Variants in MAP7D2 observed in about 807,000 individuals in gnomAD.
MAP7D2 encodes MAP7 domain-containing protein 2.
A neutral mutation model predicts 63.5 loss-of-function variants in MAP7D2; 33 were observed. The ratio of observed to expected loss-of-function variants is 0.52; its 90% CI spans 0.39 to 0.70. The LOEUF (loss-of-function observed/expected upper bound fraction) is 0.70, where lower values mean the gene tolerates loss of function less well. MAP7D2 is among the 30% of genes least tolerant of loss of function. The probability of loss-of-function intolerance (pLI) is 0.00; values close to 1 mark genes in which losing one functional copy is unlikely to be tolerated. For synonymous variants in MAP7D2, 224 were observed against 223.7 expected (o/e 1.00, Z -0.01); for missense variants, 626 against 604.0 (o/e 1.04, Z -0.38).
intron 11 of MAP7D2, 70 bp downstream of exon 11, chrX:20,016,024 T>G: frequency 1.1e-6 from 1 of 894,356 alleles, no homozygotes; most frequent in South Asian, 2.2e-5. Flanking sequence ...TCATTGAAAT[T>G]TAACTAATTG....
chrX:20,034,631 C>T (rs1004213167), intron 8 of MAP7D2, among the ~76,000 whole-genome samples: 4 of 111,415 alleles, frequency 3.6e-5, no homozygotes, highest in African/African-American at 1.3e-4. Flanking sequence ...CTCCCTTGCG[C>T]CCCTTCCATC....
Position 20,044,507 on chromosome X carries a change from G to A in MAP7D2, c.736C>T (p.Arg246Cys), listed in dbSNP as rs761494554. 2.8e-5 allele frequency: 34 copies of A among 1,208,459 alleles called. No homozygotes were observed. The highest frequency in any genetic ancestry group is 3.7e-5 in the Non-Finnish European group (33 of 893,777). The change falls in exon 7 of 17, where the codon CGT (arginine) becomes TGT (cysteine). Residue 246 changes from arginine to cysteine, a missense_variant. Physicochemically the swap from Arg to Cys is radical, Grantham distance 180. Transcript: ENST00000379643. ...TTAAGAGGGCCAAGAGGAGCTAAAC[G>A]AGGACAGACATGGAATACTAGAAAG... is the stretch of plus-strand genomic sequence containing the variant. ...ANDSVFHVCP[R>C]LAPLGPLNPS...
intron 8 of MAP7D2, among the ~76,000 whole-genome samples, chrX:20,026,440 C>T (rs1275962656): frequency 2.7e-5 from 3 of 111,857 alleles, no homozygotes; most frequent in African/African-American, 9.8e-5. Flanking sequence ...TGGCAATCAC[C>T]CTTCTACTTC....
At chrX:20,072,001 C>T (rs769615921) in intron 1 of MAP7D2, among the ~76,000 whole-genome samples, 4 of 111,097 alleles carry the variant, frequency 3.6e-5, no homozygotes, top group Admixed American at 9.6e-5. Flanking sequence ...CTTGTCTTAT[C>T]TCTGAATCTC....
chrX:20,093,616 C>T (rs1384400308), intron 1 of MAP7D2, among the ~76,000 whole-genome samples: 1 of 110,546 alleles, frequency 9.0e-6, no homozygotes, highest in African/African-American at 3.3e-5. Context: ...ATGATCGCGC[C>T]ACTGCACTCC....
chrX:20,050,799 G>C, intron 6 of MAP7D2, 25 bp downstream of exon 6: 2 of 1,158,582 alleles, frequency 1.7e-6, no homozygotes, highest in Non-Finnish European at 2.3e-6. Context: ...ATTTTCCTTG[G>C]TGTTACCAGC....
At chrX:20,048,872 T>C (rs2064868220) in intron 6 of MAP7D2, among the ~76,000 whole-genome samples, 1 of 110,246 alleles carries the variant, frequency 9.1e-6, no homozygotes, top group African/African-American at 3.3e-5. Flanking sequence ...CAGTGAGCTA[T>C]GATCACATCA....
intron 1 of MAP7D2, among the ~76,000 whole-genome samples, chrX:20,109,214 C>T (rs2066658904): frequency 9.2e-6 from 1 of 109,092 alleles, no homozygotes; most frequent in South Asian, 4.0e-4. Flanking sequence ...CACAGTGGCA[C>T]GGGGGGTTAA....
intron 1 of MAP7D2, among the ~76,000 whole-genome samples, chrX:20,073,908 G>A (rs1210620801): frequency 9.6e-6 from 1 of 104,469 alleles, no homozygotes; most frequent in African/African-American, 3.4e-5. Flanking sequence ...AGGCCGAGGC[G>A]GGCGGATCAC....
At chrX:20,015,668 A>G (rs2148135319) in intron 11 of MAP7D2, among the ~76,000 whole-genome samples, 1 of 112,567 alleles carries the variant, frequency 8.9e-6, no homozygotes, top group East Asian at 2.8e-4. Context: ...CGTGAAGGGC[A>G]GGATGTGGTA....
At chrX:20,028,361 G>A (rs1323769485) in intron 8 of MAP7D2, among the ~76,000 whole-genome samples, 1 of 111,955 alleles carries the variant, frequency 8.9e-6, no homozygotes, top group Non-Finnish European at 1.9e-5. Context: ...TAGCTGTTAG[G>A]TATTGGTGTT....
chrX:20,073,117 G>C (rs769457744), intron 1 of MAP7D2, among the ~76,000 whole-genome samples: 1 of 110,860 alleles, frequency 9.0e-6, no homozygotes, highest in Non-Finnish European at 1.9e-5. Flanking sequence ...TTAAAATCCA[G>C]AGCCTAGTTG....
chrX:20,053,835 A>T (rs2065007928), intron 4 of MAP7D2, among the ~76,000 whole-genome samples: 1 of 111,905 alleles, frequency 8.9e-6, no homozygotes, highest in East Asian at 2.8e-4. Flanking sequence ...TGCTGACCAA[A>T]TGACAATCTT....
chrX:20,069,237 C>CT (rs2065436424), intron 1 of MAP7D2, among the ~76,000 whole-genome samples: 1 of 111,335 alleles, frequency 9.0e-6, no homozygotes, highest in East Asian at 2.8e-4. Context: ...GGATATCACT[C>CT]TGTTGGTTGC....
chrX:20,015,127 G>T (rs1351780550), intron 12 of MAP7D2, 96 bp downstream of exon 12: 3 of 625,042 alleles, frequency 4.8e-6, no homozygotes, highest in African/African-American at 2.2e-5. Context: ...TGACCTAACT[G>T]ACAATCCTAG....
At position 20,076,168 on chromosome X, in the gene MAP7D2, C is replaced by T. The variant is rs2065637485; in HGVS notation, c.131-11363G>A. Among the ~76,000 whole-genome samples the T allele has an allele frequency of 2.7e-5, 3 of 111,097 alleles. No homozygotes were observed. In the South Asian group the frequency reaches 1.1e-3, roughly 42 times the overall value. On this transcript the variant is annotated intron_variant, in intron 1 of 16. Coordinates refer to ENST00000379643, the MANE Select transcript of MAP7D2 (RefSeq NM_001168465.2). Reference sequence around the variant, plus strand: ...TGATGCTGCTAGTCTAGGGACCACGCTCTGACAATGAATGATCTAATCCAT... The same window carrying T: ...TGATGCTGCTAGTCTAGGGACCACGTTCTGACAATGAATGATCTAATCCAT...
chrX:20,009,149 G>T (rs1178977614), intron 16 of MAP7D2, among the ~76,000 whole-genome samples: 1 of 111,337 alleles, frequency 9.0e-6, no homozygotes, highest in Non-Finnish European at 1.9e-5. Flanking sequence ...AGAACCAAGA[G>T]AAATGGGCTC....
chrX:20,042,477 T>C, intron 8 of MAP7D2, 25 bp downstream of exon 8: 1 of 1,208,892 alleles, frequency 8.3e-7, no homozygotes, highest in South Asian at 1.8e-5. Flanking sequence ...AGTCAGACTG[T>C]CTGGCAAAGG....
chrX:20,096,081 CAAAAAAAAAAAAAAA>C (rs1208579984), intron 1 of MAP7D2, among the ~76,000 whole-genome samples: 2 of 14,895 alleles, frequency 1.3e-4, no homozygotes, highest in South Asian at 5.0e-3. Flanking sequence ...GACTCTTCCT[CAAAAAAAAAAAAAAA>C]AAAAAAAAAA....
Sources: gnomAD v4.1 joint callset for allele counts (sites outside exome capture counted in the v4.1 genomes callset) on GRCh38, gnomAD v4.1.1 for gene constraint, MANE v1.5 for transcripts, NCBI Gene and HGNC (gene_info 2026-07-23, HGNC 2026-07-21) for gene names.